Variants in CSPG5 observed in about 807,000 individuals in gnomAD.
The protein encoded by CSPG5 is chondroitin sulfate proteoglycan 5, also known as acidic leucine-rich EGF-like domain-containing brain protein.
A neutral mutation model predicts 39.8 loss-of-function variants in CSPG5; 25 were observed. The observed-to-expected ratio is 0.63, with a 90% CI of 0.46 to 0.88. The LOEUF is 0.88. CSPG5 is among the 40% of genes least tolerant of loss of function. CSPG5 has a pLI of 0.00. For missense variants in CSPG5, 627 were observed against 702.2 expected (o/e 0.89, Z 1.21); for synonymous variants, 295 against 303.9 (o/e 0.97, Z 0.31).
intron 4 of CSPG5, among the ~76,000 whole-genome samples, chr3:47,563,438 C>T (rs1000938529): frequency 2.0e-5 from 3 of 152,228 alleles, no homozygotes; most frequent in African/African-American, 7.2e-5. Context: ...ATTCGTACTG[C>T]TGATTCTAAT....
rs762626392 is a variant in CSPG5 at position 47,577,483 on chromosome 3, G to GC, written c.542dup (p.Ser182GlnfsTer28). On this transcript the variant is annotated frameshift_variant, in exon 2 of 5. Transcript: ENST00000264723. LOFTEE classifies it high-confidence loss of function. The surrounding 1 kb of genome is among the most constrained non-coding windows in gnomAD (Gnocchi z 4.7). ...CTGGCCCTTGAGGGTCGGGTGTGCTGCCCCCCAGGTTCAGCCAAACCTCCA... is the reference window on the plus strand; with the variant it reads ...CTGGCCCTTGAGGGTCGGGTGTGCTGCCCCCCCAGGTTCAGCCAAACCTCCA... 4 of 1,613,448 alleles carry GC rather than the reference G, an allele frequency of 2.5e-6. No homozygotes were observed. The highest frequency in any genetic ancestry group is 2.2e-5 in the East Asian group (1 of 44,862).
intron 4 of CSPG5, among the ~76,000 whole-genome samples, chr3:47,568,708 T>C (rs2031403212): frequency 6.6e-6 from 1 of 152,096 alleles, no homozygotes; most frequent in East Asian, 1.9e-4. Flanking sequence ...CTAAAAATCA[T>C]GAGTAACCCT....
chr3:47,575,883 A>G (rs548786406), intron 2 of CSPG5, among the ~76,000 whole-genome samples: 1 of 147,418 alleles, frequency 6.8e-6, no homozygotes, highest in Non-Finnish European at 1.5e-5. Flanking sequence ...ACACCCCTCA[A>G]CCCAGCCCTT....
Position 47,576,936 on chromosome 3 carries a change from C to A in CSPG5, c.1090G>T (p.Val364Leu). Residue 364 changes from valine (V) to leucine (L), a missense_variant, in exon 2 of 5, where the codon GTG becomes TTG. Coordinates refer to ENST00000264723, the MANE Select transcript of CSPG5 (RefSeq NM_006574.4). ...ENGTECRSGF[V>L]RHNGSCRSVC... ...GACCGGCAGGAGCCGTTATGCCGCA[C>A]AAAGCCACTGCGGCACTCAGTGCCA... 1 of 1,613,390 alleles carries A rather than the reference C, an allele frequency of 6.2e-7. No homozygotes were observed. The highest frequency in any genetic ancestry group is 8.5e-7 in the Non-Finnish European group (1 of 1,179,572).
intron 2 of CSPG5, among the ~76,000 whole-genome samples, chr3:47,576,014 T>C (rs60110914): frequency 0.62 from 92,011 of 148,532 alleles, 29,164 homozygotes; most frequent in East Asian, 0.74. Flanking sequence ...CTCGGCTCAC[T>C]GCAACGTCCA....
intron 4 of CSPG5, among the ~76,000 whole-genome samples, chr3:47,566,046 C>T (rs1025470761): frequency 5.9e-5 from 9 of 152,150 alleles, no homozygotes; most frequent in Non-Finnish European, 7.4e-5. Flanking sequence ...GAGGTGCCAC[C>T]GGCACAGATA....
Position 47,572,294 on chromosome 3 carries a change from C to T in CSPG5, c.1382+392G>A, listed in dbSNP as rs937552028. Among the ~76,000 whole-genome samples the T allele has an allele frequency of 7.9e-5, 12 of 152,188 alleles. No homozygotes were observed. Among genetic ancestry groups the T allele is most frequent in the African/African-American group, 2.4e-4 (10 of 41,448 alleles). On this transcript the variant is annotated intron_variant, in intron 3 of 4. Transcript: ENST00000264723. This position sits in a 1 kb window ranked among gnomAD's most constrained non-coding sequence, Gnocchi z 4.5. ...ACGCAGAATTATGAATGAAATCTCG[C>T]ACTGGCCGCTGGCTGTCACAGTCCA...
chr3:47,563,717 G>A (rs1373000120), intron 4 of CSPG5, among the ~76,000 whole-genome samples: 2 of 152,162 alleles, frequency 1.3e-5, no homozygotes, highest in East Asian at 1.9e-4. Context: ...GACCATGCCC[G>A]GCTAACTTGT....
chr3:47,577,948 G>A lies in CSPG5; in HGVS notation c.98-20C>T. Reference sequence around the variant, plus strand: ...CACGCGCTGCGGGCGGGAGGGCAAGGGGCGGGACGTCAGGGCGGCGCGCTG... The same window carrying A: ...CACGCGCTGCGGGCGGGAGGGCAAGAGGCGGGACGTCAGGGCGGCGCGCTG... On this transcript the variant is annotated intron_variant, in intron 1 of 4. Transcript: ENST00000264723. The surrounding 1 kb of genome is among the most constrained non-coding windows in gnomAD (Gnocchi z 4.7). 7.1e-7 allele frequency: 1 copy of A among 1,399,496 alleles called. No homozygotes were observed. The highest frequency in any genetic ancestry group is 1.6e-5 in the South Asian group (1 of 61,982). 86.7% of individuals were successfully genotyped at this position (1,399,496 alleles called of 1,614,324 possible).
chr3:47,577,450 A>G lies in CSPG5; in HGVS notation c.576T>C (p.Thr192=). ...STPDPQGPEL[T]YPFQGTLEPQ... is the part of the protein sequence containing the mutation. ...GCTCCAGGGTGCCCTGAAATGGGTA[A>G]GTCAGCTCTGGCCCTTGAGGGTCGG... The change falls in exon 2 of 5, where the codon ACT becomes ACC. Residue 192 remains threonine, a synonymous_variant. Coordinates refer to ENST00000264723, the MANE Select transcript of CSPG5 (RefSeq NM_006574.4). This position sits in a 1 kb window ranked among gnomAD's most constrained non-coding sequence, Gnocchi z 4.7. 1 of 1,614,044 alleles carries G rather than the reference A, an allele frequency of 6.2e-7. No homozygotes were observed. The highest frequency in any genetic ancestry group is 8.5e-7 in the Non-Finnish European group (1 of 1,180,004).
Position 47,578,095 on chromosome 3 carries a change from G to T in CSPG5, c.98-167C>A. 1.9e-6 allele frequency: 2 copies of T among 1,074,884 alleles called. No individual in the cohort carries two copies. Among genetic ancestry groups the T allele is most frequent in the Non-Finnish European group, 2.4e-6 (2 of 833,616 alleles). The allele number at this position is 1,074,884 out of a possible 1,614,324, so 66.6% of individuals were successfully genotyped here. A position where few individuals can be genotyped will look rare whatever the true frequency, so the allele number is the denominator to read the frequency against. On this transcript the variant is annotated intron_variant, in intron 1 of 4. Coordinates refer to ENST00000264723, the MANE Select transcript of CSPG5 (RefSeq NM_006574.4). This position sits in a 1 kb window ranked among gnomAD's most constrained non-coding sequence, Gnocchi z 6.0. ...GACCCCAGCCACCCGGTACCTCTAA[G>T]CCCCGTCCCGGAGTCTGCCCCCAAG...
chr3:47,571,039 G>A (rs1456641386), intron 3 of CSPG5, among the ~76,000 whole-genome samples: 1 of 150,082 alleles, frequency 6.7e-6, no homozygotes, highest in African/African-American at 2.5e-5. Context: ...GATCACTTGA[G>A]CCCAGGAGTT....
intron 2 of CSPG5, among the ~76,000 whole-genome samples, chr3:47,576,551 C>T (rs896052795): frequency 1.3e-5 from 2 of 151,894 alleles, no homozygotes; most frequent in Admixed American, 6.6e-5. Flanking sequence ...CTCCACCCTC[C>T]GGGTTCAAAT....
Position 47,578,535 on chromosome 3 carries a change from C to T in CSPG5, c.97+62G>A. On this transcript the variant is annotated intron_variant, in intron 1 of 4. Transcript: ENST00000264723. The surrounding 1 kb of genome is among the most constrained non-coding windows in gnomAD (Gnocchi z 6.0). The stretch of plus-strand genomic sequence containing the variant: ...CAGCTCCACCTGTCCCCGCCGCCAG[C>T]GGGACCCCTGCCCTGGGTGGGGCAC... 5.6e-6 allele frequency: 3 copies of T among 540,444 alleles called. No homozygotes were observed. Among genetic ancestry groups the T allele is most frequent in the South Asian group, 8.4e-5 (1 of 11,846 alleles). The allele number at this position is 540,444 out of a possible 1,614,324, so 33.5% of individuals were successfully genotyped here.
At chr3:47,562,818 A>C in intron 4 of CSPG5, 57 bp from the exon 5 acceptor site, 2 of 1,473,146 alleles carry the variant, frequency 1.4e-6, no homozygotes, top group East Asian at 4.7e-5. Flanking sequence ...ACCAAATAAT[A>C]ATATCAGCGT....
In CSPG5 at chr3:47,577,120, C is replaced by G. The variant is rs2031777138; in HGVS notation, c.906G>C (p.Val302=). The G allele has an allele frequency of 6.2e-7, 1 of 1,613,818 alleles. No individual in the cohort carries two copies. Among genetic ancestry groups the G allele is most frequent in the Non-Finnish European group, 8.5e-7 (1 of 1,180,034 alleles). The change falls in exon 2 of 5, where the codon GTG becomes GTC. Residue 302 remains valine (V), a synonymous_variant. Transcript: ENST00000264723. The surrounding 1 kb of genome is among the most constrained non-coding windows in gnomAD (Gnocchi z 4.7). ...GDLEDENELL[V]PTGKPGLGPG... is the part of the protein sequence containing the mutation. ...GCCCCAGACCAGGCTTCCCAGTGGGCACTAGAAGCTCATTTTCATCTTCTA... is the reference window on the plus strand; with the variant it reads ...GCCCCAGACCAGGCTTCCCAGTGGGGACTAGAAGCTCATTTTCATCTTCTA...
chr3:47,564,009 C>G (rs2031195654), intron 4 of CSPG5, among the ~76,000 whole-genome samples: 1 of 152,208 alleles, frequency 6.6e-6, no homozygotes, highest in Non-Finnish European at 1.5e-5. Flanking sequence ...ATTCAGTGGG[C>G]CTCAGTTCTT....
rs2031582668 is a variant in CSPG5, at chr3:47,572,951, C to T, written c.1194-77G>A. 8.1e-7 allele frequency: 1 copy of T among 1,232,102 alleles called. No homozygotes were observed. The highest frequency in any genetic ancestry group is 1.1e-6 in the Non-Finnish European group (1 of 878,672). 76.3% of individuals were successfully genotyped at this position (1,232,102 alleles called of 1,614,324 possible). A position where few individuals can be genotyped will look rare whatever the true frequency, so the allele number is the denominator to read the frequency against. On this transcript the variant is annotated intron_variant, in intron 2 of 4. Transcript: ENST00000264723. This position sits in a 1 kb window ranked among gnomAD's most constrained non-coding sequence, Gnocchi z 4.5. Reference sequence around the variant, plus strand: ...ACAGTAAGGGCCTGGGCCCTGACCCCAACACCTATCTCCACAGCCTGTTCC... The same window carrying T: ...ACAGTAAGGGCCTGGGCCCTGACCCTAACACCTATCTCCACAGCCTGTTCC...
intron 4 of CSPG5, among the ~76,000 whole-genome samples, chr3:47,568,834 A>G (rs2031410141): frequency 1.3e-5 from 2 of 152,146 alleles, no homozygotes; most frequent in South Asian, 4.1e-4. Flanking sequence ...TGGGCAACAC[A>G]GGAAGACCTC....
Sources: gnomAD v4.1 joint callset for allele counts (sites outside exome capture counted in the v4.1 genomes callset) on GRCh38, gnomAD v4.1.1 for gene constraint, Gnocchi (gnomAD v3.1) non-coding constraint, MANE v1.5 for transcripts, NCBI Gene and HGNC (gene_info 2026-07-23, HGNC 2026-07-21) for gene names.